The following SEL1L variants were observed in gnomAD, a reference collection of about 807,000 sequenced individuals.
SEL1L encodes the protein protein sel-1 homolog 1.
In SEL1L, 52 loss-of-function variants were observed where a neutral mutation model predicts 109.8. The ratio of observed to expected loss-of-function variants is 0.47; its 90% CI spans 0.38 to 0.60. The LOEUF (loss-of-function observed/expected upper bound fraction) is 0.60, where lower values mean the gene tolerates loss of function less well. Among genes scored for constraint, SEL1L ranks in the 20% least tolerant of loss-of-function variants. The pLI, the probability that SEL1L is intolerant of heterozygous loss-of-function variation, is 0.00. For synonymous variants in SEL1L, 373 were observed against 339.6 expected (o/e 1.10, Z -1.08); for missense variants, 749 against 962.2 (o/e 0.78, Z 2.93).
chr14:81,531,052 GGTGA>G (rs201383493), intron 1 of SEL1L, among the ~76,000 whole-genome samples: 1,541 of 152,274 alleles, frequency 0.01, 9 homozygotes, highest in Non-Finnish European at 0.017. Flanking sequence ...AGTTGCTGTG[GGTGA>G]GTGAGTGAGT....
At position 81,474,214 on chromosome 14, in the gene SEL1L, A is replaced by T. The variant is rs138606453; in HGVS notation, c.*2758T>A. ...ATCAAAAATAAGCCTTACCTAGAAA[A>T]CAGAAACTGAAACTTCAAACACAGA... is the stretch of plus-strand genomic sequence containing the variant. On this transcript the variant is annotated 3_prime_UTR_variant, in exon 21 of 21. Coordinates refer to ENST00000336735, the MANE Select transcript of SEL1L (RefSeq NM_005065.6). 6.8e-4 allele frequency: 103 copies of T among 151,822 alleles called. No individual in the cohort carries two copies. The highest frequency in any genetic ancestry group is 2.4e-3 in the African/African-American group (101 of 41,446). The allele number at this position is 151,822 out of a possible 1,614,324, so 9.4% of individuals were successfully genotyped here. A position where few individuals can be genotyped will look rare whatever the true frequency, so the allele number is the denominator to read the frequency against.
intron 6 of SEL1L, 57 bp from the exon 7 acceptor site, chr14:81,499,719 G>GAC: frequency 7.6e-7 from 1 of 1,314,530 alleles, no homozygotes; most frequent in Non-Finnish European, 1.1e-6. Context: ...ATCCAAGACA[G>GAC]ACACAGACAG....
chr14:81,530,318 CTGGCTT>C (rs1342323184), intron 1 of SEL1L, among the ~76,000 whole-genome samples: 1 of 152,128 alleles, frequency 6.6e-6, no homozygotes, highest in African/African-American at 2.4e-5. Flanking sequence ...GGTCTGGAAC[CTGGCTT>C]CATCACATGT....
chr14:81,480,367 T>C (rs1566969605), intron 19 of SEL1L, among the ~76,000 whole-genome samples: 1 of 152,146 alleles, frequency 6.6e-6, no homozygotes, highest in Non-Finnish European at 1.5e-5. Context: ...TTTTTTGTAT[T>C]TTTAGTAGAG....
At chr14:81,529,727 C>T (rs1193533083) in intron 1 of SEL1L, among the ~76,000 whole-genome samples, 1 of 152,192 alleles carries the variant, frequency 6.6e-6, no homozygotes, top group African/African-American at 2.4e-5. Flanking sequence ...TTCTCAGTTA[C>T]TAAACTGGGA....
chr14:81,484,511 A>T, intron 18 of SEL1L, 114 bp from the exon 19 acceptor site: 1 of 1,005,738 alleles, frequency 9.9e-7, no homozygotes, highest in East Asian at 2.5e-5. Context: ...TTTAATTCAT[A>T]GTACACAAAC....
chr14:81,485,314 C>T (rs1190484615), intron 18 of SEL1L, among the ~76,000 whole-genome samples: 2 of 152,110 alleles, frequency 1.3e-5, no homozygotes, highest in Admixed American at 1.3e-4. Context: ...CTCGCTCTGT[C>T]GCCCAGGCTG....
chr14:81,517,229 G>C (rs1239840677), intron 3 of SEL1L, among the ~76,000 whole-genome samples: 1 of 152,182 alleles, frequency 6.6e-6, no homozygotes, highest in Non-Finnish European at 1.5e-5. Context: ...AGGAAAGCTG[G>C]CTTGCTGGAT....
chr14:81,477,026 TGG>T lies in SEL1L; in HGVS notation c.2329_2330del (p.Pro777ThrfsTer28). 1 of 1,614,216 alleles carries T rather than the reference TGG, an allele frequency of 6.2e-7. No individual in the cohort carries two copies. ...CCTCCTGCTGGGGTGGAGCTGGCCG[TGG>T]CCCTGGAGGCCTGGGTGCAGGCATG... Reference protein sequence around the residue: ...QDMPAPRPPGPRPAPPQQEGP... With the variant: ...QDMPAPRPPGXRPAPPQQEGP... On this transcript the variant is annotated frameshift_variant, in exon 21 of 21. Coordinates refer to ENST00000336735, the MANE Select transcript of SEL1L (RefSeq NM_005065.6). LOFTEE classifies it high-confidence loss of function.
chr14:81,532,922 T>C (rs1167558166), intron 1 of SEL1L, among the ~76,000 whole-genome samples: 1 of 152,044 alleles, frequency 6.6e-6, no homozygotes, highest in African/African-American at 2.4e-5. Flanking sequence ...TTTTCAAATG[T>C]AGGCAGATTA....
Position 81,497,956 on chromosome 14 carries a change from ATTCCAC to A in SEL1L, c.1058_1063del (p.Ser353_Gly354del), listed in dbSNP as rs778624924. The A allele has an allele frequency of 2.5e-6, 4 of 1,614,092 alleles. No homozygotes were observed. Among genetic ancestry groups the A allele is most frequent in the Non-Finnish European group, 3.4e-6 (4 of 1,179,954 alleles). ...ATATTGAATCAAATCTTCTTCTAGCATTCCACTGTTCATTCCTGGATTTTCCACTTC... is the reference window on the plus strand; with the variant it reads ...ATATTGAATCAAATCTTCTTCTAGCATGTTCATTCCTGGATTTTCCACTTC... On this transcript the variant is annotated inframe_deletion, in exon 10 of 21. Transcript: ENST00000336735.
chr14:81,514,886 G>A (rs1364449101), intron 3 of SEL1L, among the ~76,000 whole-genome samples: 1 of 152,170 alleles, frequency 6.6e-6, no homozygotes, highest in Non-Finnish European at 1.5e-5. Flanking sequence ...TCACCTGAGG[G>A]AAGTATCAAT....
intron 19 of SEL1L, 63 bp from the exon 20 acceptor site, chr14:81,479,803 A>T (rs959858890): frequency 8.6e-6 from 12 of 1,393,654 alleles, no homozygotes; most frequent in Non-Finnish European, 1.1e-5. Flanking sequence ...TATTTAGTGA[A>T]CATATTAGAC....
At chr14:81,486,070 A>C (rs1174445619) in intron 17 of SEL1L, among the ~76,000 whole-genome samples, 1 of 152,204 alleles carries the variant, frequency 6.6e-6, no homozygotes, top group Admixed American at 6.5e-5. Context: ...AAAGTGCTTA[A>C]TTTTAAAATG....
chr14:81,533,580 C>G (rs1040533686), intron 1 of SEL1L, 95 bp downstream of exon 1: 1 of 1,182,750 alleles, frequency 8.5e-7, no homozygotes, highest in Non-Finnish European at 1.2e-6. Flanking sequence ...CCAGGGAGAA[C>G]GGGGTCCCGA....
chr14:81,480,313 C>T (rs1373752262), intron 19 of SEL1L, among the ~76,000 whole-genome samples: 3 of 152,130 alleles, frequency 2.0e-5, no homozygotes, highest in Non-Finnish European at 4.4e-5. Flanking sequence ...CCTCAGCTTC[C>T]CGAGTAGCTG....
At chr14:81,509,247 G>A (rs1595524172) in intron 3 of SEL1L, among the ~76,000 whole-genome samples, 2 of 152,078 alleles carry the variant, frequency 1.3e-5, no homozygotes, top group East Asian at 3.8e-4. Flanking sequence ...TCTTTCTATG[G>A]AGAAATCCTG....
At chr14:81,483,579 T>C (rs1844902707) in intron 19 of SEL1L, among the ~76,000 whole-genome samples, 4 of 152,210 alleles carry the variant, frequency 2.6e-5, no homozygotes, top group Admixed American at 2.6e-4. Flanking sequence ...AAAAACTTGC[T>C]TGTATATTTC....
chr14:81,500,426 C>T (rs1249315600), intron 6 of SEL1L, among the ~76,000 whole-genome samples: 2 of 151,796 alleles, frequency 1.3e-5, no homozygotes, highest in African/African-American at 2.4e-5. Flanking sequence ...TTAGTAGAGA[C>T]GGGGTTTCAC....
Sources: allele counts gnomAD v4.1 joint callset (sites outside exome capture counted in the v4.1 genomes callset), GRCh38; gene constraint gnomAD v4.1.1; transcripts MANE v1.5; gene names NCBI Gene and HGNC (gene_info 2026-07-23, HGNC 2026-07-21).